Variants in TUBG1 observed in about 807,000 individuals in gnomAD.
TUBG1 encodes the protein tubulin gamma-1 chain.
In TUBG1, 22 loss-of-function variants were observed where a neutral mutation model predicts 53.3. The observed-to-expected ratio is 0.41, with a 90% CI of 0.29 to 0.59. The LOEUF is 0.59. Among genes scored for constraint, TUBG1 ranks in the 20% least tolerant of loss-of-function variants. The pLI, the probability that TUBG1 is intolerant of heterozygous loss-of-function variation, is 0.26. For synonymous variants in TUBG1, 198 were observed against 236.7 expected, an observed-to-expected ratio of 0.84 and a Z score of 1.50; for missense variants, 217 against 598.9, an observed-to-expected ratio of 0.36 and a Z score of 6.66.
rs1176544260 is a variant in TUBG1, at chr17:42,614,641, A to C, written c.1142A>C (p.His381Pro). The change falls in exon 10 of 11, where the codon CAC becomes CCC. Residue 381 changes from histidine (H) to proline (P), a missense_variant. His to Pro is a moderately conservative substitution (Grantham distance 77). This residue lies in a region of TUBG1 where 135 missense variants were observed against 371.2 expected (regional missense o/e 0.36). Transcript: ENST00000251413. The surrounding 1 kb of genome is among the most constrained non-coding windows in gnomAD (Gnocchi z 5.1). ...GTCAGCGGGCTCATGATGGCCAACC[A>C]CACCAGCATCTCCTCGGTGAGTCTC... Reference protein sequence around the residue: ...HRVSGLMMANHTSISSLFERT... With the variant: ...HRVSGLMMANPTSISSLFERT... The C allele has an allele frequency of 2.5e-6, 4 of 1,613,812 alleles. No individual in the cohort carries two copies. The highest frequency in any genetic ancestry group is 3.4e-6 in the Non-Finnish European group (4 of 1,179,906).
At position 42,609,993 on chromosome 17, in the gene TUBG1, G is replaced by T. The variant is rs573936788; in HGVS notation, c.50-115G>T. ...CAGTCCTTTCCTCAGACACGGGAGA[G>T]TCCTGCGGCTTGACTTCTTATCCCT... On this transcript the variant is annotated intron_variant, in intron 1 of 10. Transcript: ENST00000251413. 2.2e-6 allele frequency: 3 copies of T among 1,381,942 alleles called. No individual in the cohort carries two copies. The South Asian group carries it at 4.0e-5, about 18-fold the overall frequency. 85.6% of individuals were successfully genotyped at this position (1,381,942 alleles called of 1,614,324 possible).
chr17:42,612,229 C>T (rs2052042009), intron 4 of TUBG1, 86 bp downstream of exon 4: 1 of 1,424,294 alleles, frequency 7.0e-7, no homozygotes, highest in Non-Finnish European at 9.9e-7. Context: ...GAACAAGACC[C>T]ACTCATGTAC....
Position 42,612,456 on chromosome 17 carries a change from G to T in TUBG1, c.429G>T (p.Gly143=). The T allele has an allele frequency of 6.2e-7, 1 of 1,613,986 alleles. No homozygotes were observed. The highest frequency in any genetic ancestry group is 8.5e-7 in the Non-Finnish European group (1 of 1,179,992). Residue 143 remains glycine (G), a synonymous_variant, in exon 5 of 11, where the codon GGG becomes GGT. Coordinates refer to ENST00000251413, the MANE Select transcript of TUBG1 (RefSeq NM_001070.5). The stretch of plus-strand genomic sequence containing the variant: ...TTGTGCTGTGTCACTCCATTGCTGG[G>T]GGGACAGGCTCTGGACTGGGTTCCT... ...EGFVLCHSIA[G]GTGSGLGSYL... is the part of the protein sequence containing the mutation.
At chr17:42,611,922 G>A (rs768384688) in intron 3 of TUBG1, among the ~76,000 whole-genome samples, 153 bp from the exon 4 acceptor site, 19 of 152,226 alleles carry the variant, frequency 1.2e-4, no homozygotes, top group Non-Finnish European at 1.8e-4. Flanking sequence ...TGTAACCACT[G>A]CACCGTACTG....
At chr17:42,612,754 A>G (rs1444213912) in intron 5 of TUBG1, among the ~76,000 whole-genome samples, 193 bp from the exon 6 acceptor site, 2 of 152,282 alleles carry the variant, frequency 1.3e-5, no homozygotes, top group East Asian at 3.9e-4. Context: ...TTGGAAGCCC[A>G]GAGTCTAAGA....
Position 42,614,015 on chromosome 17 carries a change from G to C in TUBG1, c.843+17G>C. On this transcript the variant is annotated intron_variant, in intron 8 of 10. Transcript: ENST00000251413. This position sits in a 1 kb window ranked among gnomAD's most constrained non-coding sequence, Gnocchi z 5.1. Reference sequence around the variant, plus strand: ...GACCAGTCAGTAAGAGCAGCCTTCAGTGTCCCAGGCCAGGCCGGCCCTGGG... The same window carrying C: ...GACCAGTCAGTAAGAGCAGCCTTCACTGTCCCAGGCCAGGCCGGCCCTGGG... 1 of 1,614,148 alleles carries C rather than the reference G, an allele frequency of 6.2e-7. No individual in the cohort carries two copies. The highest frequency in any genetic ancestry group is 8.5e-7 in the Non-Finnish European group (1 of 1,180,016).
In TUBG1 at chr17:42,614,265, C is replaced by A. The variant is rs746699970; in HGVS notation, c.849C>A (p.Ala283=). The A allele has an allele frequency of 1.2e-5, 19 of 1,613,860 alleles. No individual in the cohort carries two copies. In the South Asian group the frequency reaches 2.0e-4, roughly 17 times the overall value. The change falls in exon 9 of 11, where the codon GCC becomes GCA. Residue 283 remains alanine, a synonymous_variant. Coordinates refer to ENST00000251413, the MANE Select transcript of TUBG1 (RefSeq NM_001070.5). This position sits in a 1 kb window ranked among gnomAD's most constrained non-coding sequence, Gnocchi z 5.1. The part of the protein sequence containing the change: ...YTPLTTDQSV[A]SVRKTTVLDV... The stretch of plus-strand genomic sequence containing the variant: ...CTGTCTCACTGTCCTATCAGGTGGC[C>A]AGCGTGAGGAAGACCACGGTCCTGG...
Position 42,612,492 on chromosome 17 carries a change from A to G in TUBG1, c.465A>G (p.Glu155=). 6.2e-7 allele frequency: 1 copy of G among 1,614,066 alleles called. No homozygotes were observed. Among genetic ancestry groups the G allele is most frequent in the Non-Finnish European group, 8.5e-7 (1 of 1,179,990 alleles). Residue 155 remains glutamate (E), a synonymous_variant, in exon 5 of 11, where the codon GAA becomes GAG. Transcript: ENST00000251413. The part of the protein sequence containing the change: ...TGSGLGSYLL[E]RLNDRYPKKL... ...CTGGACTGGGTTCCTACCTCTTAGA[A>G]CGGCTGAATGACAGGTAAGTTTGTG... is the stretch of plus-strand genomic sequence containing the variant.
chr17:42,610,265 C>T (rs762087801), intron 2 of TUBG1, 45 bp downstream of exon 2: 118 of 1,613,108 alleles, frequency 7.3e-5, no homozygotes, highest in Non-Finnish European at 9.4e-5. Context: ...CCCAAGGGGG[C>T]GGAAGGGAAG....
chr17:42,613,076 G>A lies in TUBG1; in HGVS notation c.606+3G>A, dbSNP rs773799554. The A allele has an allele frequency of 6.2e-6, 10 of 1,613,778 alleles. No homozygotes were observed. The African/African-American group carries it at 1.2e-4, about 19-fold the overall frequency. On this transcript the variant is annotated splice_donor_region_variant and intron_variant, in intron 6 of 10. Coordinates refer to ENST00000251413, the MANE Select transcript of TUBG1 (RefSeq NM_001070.5). ...TGACGCAGAATGCAGACTGTGTGGT[G>A]AGTCCTGGATTCTACCTCTCCCAAC...
rs774186206 is a variant in TUBG1, at chr17:42,614,442, G to A, written c.996+30G>A. On this transcript the variant is annotated intron_variant, in intron 9 of 10. Transcript: ENST00000251413. The surrounding 1 kb of genome is among the most constrained non-coding windows in gnomAD (Gnocchi z 5.1). Reference sequence around the variant, plus strand: ...GGGAGGCCCCTTCATCCCACACCCTGGACCTGCAGGGGTAGAGGAGAGGCC... The same window carrying A: ...GGGAGGCCCCTTCATCCCACACCCTAGACCTGCAGGGGTAGAGGAGAGGCC... 2 of 1,614,156 alleles carry A rather than the reference G, an allele frequency of 1.2e-6. No homozygotes were observed. The highest frequency in any genetic ancestry group is 1.1e-5 in the South Asian group (1 of 91,088).
In TUBG1 at chr17:42,614,173, CCTCT is replaced by C. The variant is rs893381005; in HGVS notation, c.844-86_844-83del. The C allele has an allele frequency of 3.7e-6, 6 of 1,600,832 alleles. No homozygotes were observed. The African/African-American group carries it at 8.0e-5, about 21-fold the overall frequency. ...TCTTGCTGACTTGCTCTCCACCCTCCCTCTGCCTTTGGCTTCTGCCAAAGAGAAG... is the reference window on the plus strand; with the variant it reads ...TCTTGCTGACTTGCTCTCCACCCTCCGCCTTTGGCTTCTGCCAAAGAGAAG... On this transcript the variant is annotated intron_variant, in intron 8 of 10. Transcript: ENST00000251413. The surrounding 1 kb of genome is among the most constrained non-coding windows in gnomAD (Gnocchi z 5.1).
At position 42,614,638 on chromosome 17, in the gene TUBG1, A is replaced by G. The variant is rs1323101841; in HGVS notation, c.1139A>G (p.Asn380Ser). The change falls in exon 10 of 11, where the codon AAC becomes AGC. Residue 380 changes from asparagine (N) to serine (S), a missense_variant. Physicochemically the swap from Asn to Ser is conservative, Grantham distance 46. Around this residue, in one of 4 missense-constraint regions of TUBG1, gnomAD observed 135 missense variants for 371.2 expected, o/e 0.36. Coordinates refer to ENST00000251413, the MANE Select transcript of TUBG1 (RefSeq NM_001070.5). The surrounding 1 kb of genome is among the most constrained non-coding windows in gnomAD (Gnocchi z 5.1). ...CGGGTCAGCGGGCTCATGATGGCCAACCACACCAGCATCTCCTCGGTGAGT... is the reference window on the plus strand; with the variant it reads ...CGGGTCAGCGGGCTCATGATGGCCAGCCACACCAGCATCTCCTCGGTGAGT... ...AHRVSGLMMA[N>S]HTSISSLFER... is the part of the protein sequence containing the mutation. The G allele has an allele frequency of 1.9e-6, 3 of 1,613,848 alleles. No homozygotes were observed. The highest frequency in any genetic ancestry group is 2.2e-5 in the East Asian group (1 of 44,894).
At chr17:42,610,700 G>A in intron 3 of TUBG1, 110 bp downstream of exon 3, 1 of 1,507,736 alleles carries the variant, frequency 6.6e-7, no homozygotes, top group Non-Finnish European at 9.0e-7. Context: ...GCTGGAGGGA[G>A]AGACCTGGCT....
rs902695095 is a variant in TUBG1, at chr17:42,615,135, G to T, written c.*94G>T. On this transcript the variant is annotated 3_prime_UTR_variant, in exon 11 of 11. Coordinates refer to ENST00000251413, the MANE Select transcript of TUBG1 (RefSeq NM_001070.5). ...TCAGAGCACAGATCAGGGACCTCAC[G>T]CATCTCTTTCTCATATACATGGACT... 1 of 1,253,094 alleles carries T rather than the reference G, an allele frequency of 8.0e-7. No homozygotes were observed. The highest frequency in any genetic ancestry group is 1.1e-6 in the Non-Finnish European group (1 of 883,658). The allele number at this position is 1,253,094 out of a possible 1,614,324, so 77.6% of individuals were successfully genotyped here. A position where few individuals can be genotyped will look rare whatever the true frequency, so the allele number is the denominator to read the frequency against.
intron 3 of TUBG1, 67 bp downstream of exon 3, chr17:42,610,657 A>G (rs879200840): frequency 4.4e-6 from 7 of 1,605,784 alleles, no homozygotes; most frequent in Admixed American, 1.7e-5. Flanking sequence ...GACGTCCCGA[A>G]GAGAGGGAAA....
At chr17:42,610,789 A>G (rs1427654117) in intron 3 of TUBG1, 199 bp downstream of exon 3, 10 of 701,544 alleles carry the variant, frequency 1.4e-5, no homozygotes, top group South Asian at 2.4e-5. Context: ...AGTGCTTTAC[A>G]TATATTAATT....
In TUBG1 at chr17:42,614,453, G is replaced by A; in HGVS notation, c.996+41G>A. ...TCATCCCACACCCTGGACCTGCAGG[G>A]GTAGAGGAGAGGCCACCTCCACTGC... On this transcript the variant is annotated intron_variant, in intron 9 of 10. Coordinates refer to ENST00000251413, the MANE Select transcript of TUBG1 (RefSeq NM_001070.5). This position sits in a 1 kb window ranked among gnomAD's most constrained non-coding sequence, Gnocchi z 5.1. 1 of 1,614,140 alleles carries A rather than the reference G, an allele frequency of 6.2e-7. No homozygotes were observed. The highest frequency in any genetic ancestry group is 8.5e-7 in the Non-Finnish European group (1 of 1,180,010).
rs1282209587 is a variant in TUBG1 at position 42,613,969 on chromosome 17, G to A, written c.814G>A (p.Gly272Ser). 4 of 1,614,092 alleles carry A rather than the reference G, an allele frequency of 2.5e-6. No homozygotes were observed. Among genetic ancestry groups the A allele is most frequent in the Non-Finnish European group, 3.4e-6 (4 of 1,180,030 alleles). Residue 272 changes from glycine (G) to serine (S), a missense_variant, in exon 8 of 11, where the codon GGC becomes AGC. This residue lies in a region of TUBG1 where 135 missense variants were observed against 371.2 expected (regional missense o/e 0.36). Coordinates refer to ENST00000251413, the MANE Select transcript of TUBG1 (RefSeq NM_001070.5). ...CCCACGGCTCCACTTCCTCATGACC[G>A]GCTACACCCCTCTCACTACGGACCA... ...PTPRLHFLMTGYTPLTTDQSV... is the reference protein window; with the variant it reads ...PTPRLHFLMTSYTPLTTDQSV...
Sources: gnomAD v4.1 joint callset for allele counts (sites outside exome capture counted in the v4.1 genomes callset) on GRCh38, gnomAD v4.1.1 for gene constraint, gnomAD v4.1.1 regional missense constraint, Gnocchi (gnomAD v3.1) non-coding constraint, MANE v1.5 for transcripts, NCBI Gene and HGNC (gene_info 2026-07-23, HGNC 2026-07-21) for gene names.